Variants in KCNH5 observed in about 807,000 individuals in gnomAD.
KCNH5 encodes the protein voltage-gated delayed rectifier potassium channel KCNH5.
Under a neutral mutation model 96.1 loss-of-function variants are expected in KCNH5, and 46 were observed. The observed-to-expected ratio is 0.48, with a 90% confidence interval of 0.38 to 0.61. KCNH5 has a LOEUF of 0.61. Ranked by LOEUF, KCNH5 falls within the 20% of genes least tolerant of loss-of-function variation. The pLI is 0.00. For missense variants in KCNH5, 907 were observed against 1,225.8 expected, an observed-to-expected ratio of 0.74 and a Z score of 3.88; for synonymous variants, 439 against 449.8, an observed-to-expected ratio of 0.98 and a Z score of 0.30.
chr14:62,998,074 C>A (rs1171238759), intron 4 of KCNH5, among the ~76,000 whole-genome samples: 1 of 152,006 alleles, frequency 6.6e-6, no homozygotes, highest in Non-Finnish European at 1.5e-5. Context: ...CTTCCCTAAA[C>A]GTATGGTAGC....
At chr14:62,855,101 G>A (rs1172180256) in intron 7 of KCNH5, among the ~76,000 whole-genome samples, 2 of 151,796 alleles carry the variant, frequency 1.3e-5, no homozygotes, top group South Asian at 4.2e-4. Flanking sequence ...TTTTCATGCT[G>A]TGAGGAAGCC....
intron 6 of KCNH5, among the ~76,000 whole-genome samples, chr14:62,954,766 A>G (rs1377125944): frequency 6.6e-6 from 1 of 152,148 alleles, no homozygotes; most frequent in African/African-American, 2.4e-5. Context: ...ACAGTTCCAC[A>G]CGGCTGGGGA....
At chr14:62,944,812 C>T (rs79633820) in intron 7 of KCNH5, among the ~76,000 whole-genome samples, 1 of 152,054 alleles carries the variant, frequency 6.6e-6, no homozygotes, top group Non-Finnish European at 1.5e-5. Flanking sequence ...TTAAAGGTAT[C>T]TCCCTGGAAT....
chr14:62,938,608 G>A (rs1255704425), intron 7 of KCNH5, among the ~76,000 whole-genome samples: 1 of 152,130 alleles, frequency 6.6e-6, no homozygotes, highest in East Asian at 1.9e-4. Flanking sequence ...TACATATTAA[G>A]CAAAATTAAA....
At chr14:63,005,884 C>A (rs1253209725) in intron 3 of KCNH5, among the ~76,000 whole-genome samples, 4 of 152,210 alleles carry the variant, frequency 2.6e-5, no homozygotes, top group African/African-American at 9.6e-5. Flanking sequence ...TTCTACTAGG[C>A]TTTCTCACAA....
chr14:62,779,637 A>G (rs1007836425), intron 10 of KCNH5, 91 bp downstream of exon 10: 1 of 1,090,984 alleles, frequency 9.2e-7, no homozygotes, highest in Non-Finnish European at 1.3e-6. Flanking sequence ...AGTGCTGCAA[A>G]ACAAAATATC....
rs766301535 is a variant in KCNH5 at position 62,981,218 on chromosome 14, G to A, written c.596C>T (p.Ala199Val). 46 of 1,613,934 alleles carry A rather than the reference G, an allele frequency of 2.9e-5. No individual in the cohort carries two copies. The highest frequency in any genetic ancestry group is 3.7e-5 in the Non-Finnish European group (44 of 1,179,968). Residue 199 changes from alanine (A) to valine (V), a missense_variant, in exon 6 of 11, where the codon GCG becomes GTG. By Grantham distance (64) the Ala-to-Val change is moderately conservative (BLOSUM62 0). This residue lies in a region of KCNH5 where 370 missense variants were observed against 561.3 expected (regional missense o/e 0.66). Transcript: ENST00000322893. ...AATAATGTGTGGTGGCGTCTTTGGCGCTTCTTGTTTATACTGAGGAAGGAT... is the reference window on the plus strand; with the variant it reads ...AATAATGTGTGGTGGCGTCTTTGGCACTTCTTGTTTATACTGAGGAAGGAT... ...SDILPQYKQE[A>V]PKTPPHIILH...
At position 62,931,870 on chromosome 14, in the gene KCNH5, T is replaced by C. The variant is rs117378416; in HGVS notation, c.1369+18263A>G. Among the ~76,000 whole-genome samples, 968 of 152,178 alleles carry C rather than the reference T, an allele frequency of 6.4e-3. 5 individuals are homozygous for C. Among genetic ancestry groups the C allele is most frequent in the South Asian group, 0.017 (82 of 4,826 alleles). On this transcript the variant is annotated intron_variant, in intron 7 of 10. Coordinates refer to ENST00000322893, the MANE Select transcript of KCNH5 (RefSeq NM_139318.5). ...CCTGCAATGAAGGAAGAGCAGAAAGTAGGGGTTTCACACTGAAATCAGGGG... is the reference window on the plus strand; with the variant it reads ...CCTGCAATGAAGGAAGAGCAGAAAGCAGGGGTTTCACACTGAAATCAGGGG...
chr14:62,802,565 G>A lies in KCNH5; in HGVS notation c.1586C>T (p.Pro529Leu), dbSNP rs922451620. The A allele has an allele frequency of 6.2e-7, 1 of 1,613,828 alleles. No individual in the cohort carries two copies. Among genetic ancestry groups the A allele is most frequent in the Non-Finnish European group, 8.5e-7 (1 of 1,179,916 alleles). ...ACAGATATCAGCTCTCATGTCCTTG[G>A]GACAGATGGAGAGGACCTAAAGAAG... ...IDTEKVLSIC[P>L]KDMRADICVH... Residue 529 changes from proline (P) to leucine (L), a missense_variant, in exon 9 of 11, where the codon CCC (proline) becomes CTC (leucine). Pro to Leu is a moderately conservative substitution (Grantham distance 98). Around this residue, in one of 6 missense-constraint regions of KCNH5, gnomAD observed 95 missense variants for 111.8 expected, o/e 0.85. Coordinates refer to ENST00000322893, the MANE Select transcript of KCNH5 (RefSeq NM_139318.5).
chr14:63,030,209 A>G (rs1891599317), intron 1 of KCNH5, among the ~76,000 whole-genome samples: 1 of 152,128 alleles, frequency 6.6e-6, no homozygotes, highest in Non-Finnish European at 1.5e-5. Context: ...TCATTCCTTA[A>G]AGATGTTTAC....
At chr14:62,984,762 A>G (rs1890672692) in intron 5 of KCNH5, among the ~76,000 whole-genome samples, 2 of 148,552 alleles carry the variant, frequency 1.3e-5, no homozygotes, top group Admixed American at 6.7e-5. Flanking sequence ...CAGAGCAAAG[A>G]AAAAAAAAAC....
At chr14:62,854,017 A>AC (rs1887879953) in intron 7 of KCNH5, among the ~76,000 whole-genome samples, 1 of 119,316 alleles carries the variant, frequency 8.4e-6, no homozygotes, top group African/African-American at 2.9e-5. Flanking sequence ...AAAAAAAAAA[A>AC]ACAAAAAAAA....
intron 8 of KCNH5, among the ~76,000 whole-genome samples, chr14:62,816,324 G>T (rs995388321): frequency 1.4e-4 from 21 of 151,886 alleles, no homozygotes; most frequent in African/African-American, 5.1e-4. Flanking sequence ...CAGCGTGTAT[G>T]TGTGAAAAAA....
chr14:62,956,940 C>G (rs1358304913), intron 6 of KCNH5, among the ~76,000 whole-genome samples: 1 of 152,196 alleles, frequency 6.6e-6, no homozygotes, highest in Non-Finnish European at 1.5e-5. Context: ...CCCTCCTCTG[C>G]ACTTCAGTGG....
chr14:63,010,392 C>T (rs1354011918), intron 2 of KCNH5, among the ~76,000 whole-genome samples: 1 of 152,184 alleles, frequency 6.6e-6, no homozygotes, highest in Non-Finnish European at 1.5e-5. Flanking sequence ...ACCCCAGCCT[C>T]ACTCCCTAGC....
rs1891082879 is a variant in KCNH5, at chr14:63,004,129, T to C, written c.304+2237A>G. Among the ~76,000 whole-genome samples the C allele has an allele frequency of 3.3e-5, 5 of 152,248 alleles. No homozygotes were observed. The South Asian group carries it at 1.0e-3, about 31-fold the overall frequency. ...GGACGTATTGGGAGAACTTGGCACA[T>C]AGGCATTCCCAAAACAGTTTTCTGC... On this transcript the variant is annotated intron_variant, in intron 3 of 10. Coordinates refer to ENST00000322893, the MANE Select transcript of KCNH5 (RefSeq NM_139318.5).
Position 62,776,467 on chromosome 14 carries a change from A to G in KCNH5, c.2019+3261T>C, listed in dbSNP as rs534578967. On this transcript the variant is annotated intron_variant, in intron 10 of 10. Coordinates refer to ENST00000322893, the MANE Select transcript of KCNH5 (RefSeq NM_139318.5). Reference sequence around the variant, plus strand: ...AACCAAACTGGCCAGTAATTTGATCATACACTTCCCAGCCTCCAGAACTGT... The same window carrying G: ...AACCAAACTGGCCAGTAATTTGATCGTACACTTCCCAGCCTCCAGAACTGT... Among the ~76,000 whole-genome samples the G allele has an allele frequency of 9.9e-5, 15 of 152,222 alleles. No homozygotes were observed. The South Asian group carries it at 3.1e-3, about 32-fold the overall frequency.
chr14:62,719,451 A>T (rs981944621), intron 10 of KCNH5, among the ~76,000 whole-genome samples: 1 of 152,252 alleles, frequency 6.6e-6, no homozygotes, highest in African/African-American at 2.4e-5. Flanking sequence ...GAAAAACTTC[A>T]GCCGAATTAA....
At chr14:62,724,593 A>G (rs1206076114) in intron 10 of KCNH5, among the ~76,000 whole-genome samples, 1 of 152,110 alleles carries the variant, frequency 6.6e-6, no homozygotes, top group Admixed American at 6.6e-5. Flanking sequence ...AGGATACATG[A>G]GCTGCTTTTG....
Sources: gnomAD v4.1 joint callset for allele counts (sites outside exome capture counted in the v4.1 genomes callset) on GRCh38, gnomAD v4.1.1 for gene constraint, gnomAD v4.1.1 regional missense constraint, MANE v1.5 for transcripts, NCBI Gene and HGNC (gene_info 2026-07-23, HGNC 2026-07-21) for gene names.